Variants in DTWD2 observed in about 807,000 individuals in gnomAD.
DTWD2 encodes tRNA-uridine aminocarboxypropyltransferase 2.
In DTWD2, 39 loss-of-function variants were observed where a neutral mutation model predicts 31.8. The ratio of observed to expected loss-of-function variants is 1.22; its 90% confidence interval spans 0.95 to 1.60. The LOEUF (loss-of-function observed/expected upper bound fraction) is 1.60. Ranked by LOEUF, DTWD2 falls within the 40% of genes most tolerant of loss-of-function variation. The pLI, the probability that DTWD2 is intolerant of heterozygous loss-of-function variation, is 0.00. For missense variants in DTWD2, 515 were observed against 381.5 expected (o/e 1.35, Z -2.92); for synonymous variants, 180 against 142.8 (o/e 1.26, Z -1.86).
chr5:118,843,860 T>C (rs1186156767), intron 5 of DTWD2, among the ~76,000 whole-genome samples: 6 of 152,350 alleles, frequency 3.9e-5, no homozygotes, highest in East Asian at 1.9e-4. Flanking sequence ...CATGAGCAGA[T>C]TGGCATTTTC....
At chr5:118,920,474 CG>C (rs959872985) in intron 4 of DTWD2, among the ~76,000 whole-genome samples, 1 of 152,014 alleles carries the variant, frequency 6.6e-6, no homozygotes, top group African/African-American at 2.4e-5. Context: ...TTACCTGGAA[CG>C]GGGGCAGAGA....
intron 4 of DTWD2, among the ~76,000 whole-genome samples, chr5:118,888,384 A>T (rs1180471142): frequency 6.6e-6 from 1 of 152,136 alleles, no homozygotes; most frequent in Non-Finnish European, 1.5e-5. Flanking sequence ...GGATTCTTTC[A>T]CTGAGTATAA....
chr5:118,950,502 A>C (rs1398251584), intron 1 of DTWD2, among the ~76,000 whole-genome samples: 1 of 152,140 alleles, frequency 6.6e-6, no homozygotes, highest in Non-Finnish European at 1.5e-5. Flanking sequence ...AAGATCGGGG[A>C]AGGAGTCAGA....
intron 4 of DTWD2, among the ~76,000 whole-genome samples, chr5:118,880,287 T>G (rs1036801746): frequency 6.6e-6 from 1 of 152,200 alleles, no homozygotes; most frequent in East Asian, 1.9e-4. Flanking sequence ...AATTTTAGAT[T>G]CCCAAACATC....
chr5:118,869,225 C>T (rs1296568945), intron 4 of DTWD2, among the ~76,000 whole-genome samples: 4 of 151,890 alleles, frequency 2.6e-5, no homozygotes, highest in African/African-American at 7.3e-5. Flanking sequence ...GTGTATTTTA[C>T]CACAACTTTT....
chr5:118,869,407 G>A (rs1752453567), intron 4 of DTWD2, among the ~76,000 whole-genome samples: 1 of 152,126 alleles, frequency 6.6e-6, no homozygotes, highest in Non-Finnish European at 1.5e-5. Flanking sequence ...ATAATACAAA[G>A]ATTGAGGAGG....
intron 1 of DTWD2, among the ~76,000 whole-genome samples, chr5:118,977,954 A>G (rs1337844354): frequency 2.0e-5 from 3 of 152,196 alleles, no homozygotes; most frequent in Non-Finnish European, 4.4e-5. Context: ...TTCAAACTAT[A>G]CTACAAGGCT....
At chr5:118,939,850 A>G (rs1754141830) in intron 2 of DTWD2, among the ~76,000 whole-genome samples, 1 of 152,228 alleles carries the variant, frequency 6.6e-6, no homozygotes, top group Non-Finnish European at 1.5e-5. Flanking sequence ...CAATCTGAGC[A>G]AGAAAATAAA....
intron 4 of DTWD2, among the ~76,000 whole-genome samples, chr5:118,866,907 AC>A (rs918754355): frequency 2.0e-4 from 30 of 151,722 alleles, no homozygotes; most frequent in African/African-American, 7.0e-4. Flanking sequence ...ACAGAGTGAG[AC>A]TCTGTCTCAA....
At chr5:118,983,242 T>C (rs989766905) in intron 1 of DTWD2, among the ~76,000 whole-genome samples, 5 of 152,156 alleles carry the variant, frequency 3.3e-5, no homozygotes, top group African/African-American at 4.8e-5. Flanking sequence ...GGAGAGATCA[T>C]GCCCAATATA....
intron 4 of DTWD2, among the ~76,000 whole-genome samples, chr5:118,890,767 C>T (rs914588662): frequency 2.0e-5 from 3 of 151,922 alleles, no homozygotes; most frequent in Non-Finnish European, 4.4e-5. Flanking sequence ...GACGGGGTTT[C>T]GCCATGTTGG....
chr5:118,850,968 T>C (rs1751987590), intron 4 of DTWD2, among the ~76,000 whole-genome samples: 1 of 151,084 alleles, frequency 6.6e-6, no homozygotes, highest in Non-Finnish European at 1.5e-5. Context: ...ACAATGGGGC[T>C]GGGTGCAGTG....
At chr5:118,925,091 T>C (rs1753780931) in intron 4 of DTWD2, among the ~76,000 whole-genome samples, 1 of 152,208 alleles carries the variant, frequency 6.6e-6, no homozygotes, top group Non-Finnish European at 1.5e-5. Flanking sequence ...AATTTAAGTT[T>C]AAAACCTCAG....
At chr5:118,862,282 T>G (rs1174763567) in intron 4 of DTWD2, among the ~76,000 whole-genome samples, 4 of 152,076 alleles carry the variant, frequency 2.6e-5, no homozygotes, top group Non-Finnish European at 4.4e-5. Context: ...GCCAAAAAGG[T>G]TGGGGACTAC....
In DTWD2 at chr5:118,983,937, G is replaced by A. The variant is rs573767538; in HGVS notation, c.218+4357C>T. On this transcript the variant is annotated intron_variant, in intron 1 of 5. Coordinates refer to ENST00000510708, the MANE Select transcript of DTWD2 (RefSeq NM_173666.4). ...GGCTGAAGCAGGCGGCTCACCTGAG[G>A]TCAGGAGTTCGAGACCAGCCTGACC... 8.6e-4 allele frequency among the ~76,000 whole-genome samples: 131 copies of A among 152,252 alleles called. 2 individuals are homozygous for A. The highest frequency in any genetic ancestry group is 2.9e-3 in the African/African-American group (122 of 41,558).
chr5:118,901,256 A>C (rs1753205546), intron 4 of DTWD2, among the ~76,000 whole-genome samples: 1 of 152,154 alleles, frequency 6.6e-6, no homozygotes, highest in African/African-American at 2.4e-5. Context: ...AAATAGTAAA[A>C]AAGGGGAGGG....
Position 118,841,058 on chromosome 5 carries a change from G to A in DTWD2, c.756C>T (p.Cys252=), listed in dbSNP as rs776034815. The change falls in exon 6 of 6, where the codon TGC becomes TGT. Residue 252 remains cysteine, a synonymous_variant. Coordinates refer to ENST00000510708, the MANE Select transcript of DTWD2 (RefSeq NM_173666.4). ...ETLLRPLQAL[C]SFQLQHGAQI... is the part of the protein sequence containing the mutation. ...GGGCACCATGCTGAAGTTGAAAGGA[G>A]CATAAAGCTTGAAGAGGGCGAAGCA... The A allele has an allele frequency of 1.9e-6, 3 of 1,612,980 alleles. No homozygotes were observed. The highest frequency in any genetic ancestry group is 3.3e-5 in the Admixed American group (2 of 59,926).
chr5:118,850,443 A>C (rs1483984884), intron 4 of DTWD2, among the ~76,000 whole-genome samples: 1 of 130,518 alleles, frequency 7.7e-6, no homozygotes, highest in Non-Finnish European at 1.6e-5. Flanking sequence ...GTACCACTGC[A>C]CTCCAGACTG....
intron 4 of DTWD2, among the ~76,000 whole-genome samples, chr5:118,868,797 A>G (rs1358585656): frequency 6.7e-6 from 1 of 149,312 alleles, no homozygotes; most frequent in African/African-American, 2.5e-5. Flanking sequence ...CGTGATTGCC[A>G]CTGCATTCCA....
Sources: allele counts gnomAD v4.1 joint callset (sites outside exome capture counted in the v4.1 genomes callset), GRCh38; gene constraint gnomAD v4.1.1; transcripts MANE v1.5; gene names NCBI Gene and HGNC (gene_info 2026-07-23, HGNC 2026-07-21).